RFX8: variants seen among roughly 807,000 people sequenced by gnomAD.
The protein encoded by RFX8 is DNA-binding protein RFX8.
RFX8 carries 46 observed loss-of-function variants against 54.6 expected under a neutral mutation model. The ratio of observed to expected loss-of-function variants is 0.84; its 90% confidence interval spans 0.67 to 1.08. RFX8 has a LOEUF of 1.08. RFX8 is among the 50% of genes least tolerant of loss of function. The pLI is 0.00. For synonymous variants in RFX8, 192 were observed against 209.5 expected, an observed-to-expected ratio of 0.92 and a Z score of 0.72; for missense variants, 536 against 562.3, an observed-to-expected ratio of 0.95 and a Z score of 0.47.
Position 101,410,754 on chromosome 2 carries a change from G to A in RFX8, c.719-41C>T, listed in dbSNP as rs369383485. The A allele has an allele frequency of 7.7e-6, 8 of 1,041,452 alleles. No individual in the cohort carries two copies. The South Asian group carries it at 8.4e-5, about 11-fold the overall frequency. 64.5% of individuals were successfully genotyped at this position (1,041,452 alleles called of 1,614,324 possible). ...ATAAACAAACAAAAGATTGCATGCA[G>A]CAGAGCAGAATTTCTCTTAGGTATT... On this transcript the variant is annotated intron_variant, in intron 8 of 11. Transcript: ENST00000428343.
At chr2:101,407,564 C>T (rs1322626240) in intron 9 of RFX8, among the ~76,000 whole-genome samples, 4 of 152,114 alleles carry the variant, frequency 2.6e-5, no homozygotes, top group Non-Finnish European at 4.4e-5. Flanking sequence ...GGGTGGCACA[C>T]GCCTGTAATC....
intron 7 of RFX8, among the ~76,000 whole-genome samples, chr2:101,413,366 C>T (rs1419763134): frequency 2.6e-5 from 4 of 152,250 alleles, no homozygotes; most frequent in Admixed American, 1.3e-4. Flanking sequence ...ATGACTCTAG[C>T]GAGGGATCCC....
intron 2 of RFX8, among the ~76,000 whole-genome samples, chr2:101,427,818 T>G (rs1687264570): frequency 6.6e-6 from 1 of 152,226 alleles, no homozygotes; most frequent in African/African-American, 2.4e-5. Context: ...TGTGTCCTAC[T>G]TAAGTAGAGG....
chr2:101,408,402 G>A (rs1192206582), intron 9 of RFX8, among the ~76,000 whole-genome samples: 1 of 151,878 alleles, frequency 6.6e-6, no homozygotes, highest in Non-Finnish European at 1.5e-5. Flanking sequence ...GGAGAATGGC[G>A]TGAACCCTGG....
chr2:101,447,016 T>C (rs1166697281), intron 2 of RFX8, among the ~76,000 whole-genome samples: 2 of 152,210 alleles, frequency 1.3e-5, no homozygotes, highest in Non-Finnish European at 2.9e-5. Flanking sequence ...GAATAAGAGA[T>C]GTAAGAGGAA....
chr2:101,429,383 C>T (rs1033541924), intron 2 of RFX8, among the ~76,000 whole-genome samples: 2 of 152,052 alleles, frequency 1.3e-5, no homozygotes, highest in African/African-American at 2.4e-5. Flanking sequence ...TGATAATATC[C>T]TCTAAATTGA....
Position 101,430,811 on chromosome 2 carries a change from A to G in RFX8, c.73-8339T>C, listed in dbSNP as rs747372320. The stretch of plus-strand genomic sequence containing the variant: ...TTGGGACATTACAGCAACAAAAACA[A>G]CAAATAATAAATCAAACTTAGAATA... On this transcript the variant is annotated intron_variant, in intron 2 of 11. Transcript: ENST00000428343. 9.8e-5 allele frequency among the ~76,000 whole-genome samples: 15 copies of G among 152,348 alleles called. No homozygotes were observed. The East Asian group carries it at 2.5e-3, about 25-fold the overall frequency.
intron 9 of RFX8, among the ~76,000 whole-genome samples, chr2:101,409,021 C>T (rs1353524088): frequency 6.6e-6 from 1 of 152,206 alleles, no homozygotes; most frequent in Non-Finnish European, 1.5e-5. Flanking sequence ...ACTGCTCCTT[C>T]CTTCCTGGGT....
chr2:101,406,459 G>A (rs1426465838), intron 9 of RFX8, among the ~76,000 whole-genome samples: 3 of 141,704 alleles, frequency 2.1e-5, no homozygotes, highest in Non-Finnish European at 4.6e-5. Context: ...AGCCTCCTGA[G>A]TAGCTGGGAC....
At chr2:101,459,973 G>A (rs190720883) in intron 2 of RFX8, among the ~76,000 whole-genome samples, 59 of 152,176 alleles carry the variant, frequency 3.9e-4, no homozygotes, top group African/African-American at 1.4e-3. Flanking sequence ...CCACCTGGCC[G>A]CATCCTCGCA....
chr2:101,406,543 T>C (rs1268295198), intron 9 of RFX8, among the ~76,000 whole-genome samples: 3 of 152,020 alleles, frequency 2.0e-5, no homozygotes, highest in Non-Finnish European at 4.4e-5. Flanking sequence ...GGTCTCACTA[T>C]GTTGCTCAAG....
chr2:101,422,694 A>G lies in RFX8; in HGVS notation c.73-222T>C, dbSNP rs919506570. 2.0e-5 allele frequency among the ~76,000 whole-genome samples: 3 copies of G among 152,178 alleles called. No homozygotes were observed. The East Asian group carries it at 5.8e-4, about 29-fold the overall frequency. ...ATGAACGATGGCCATCAGGGAAGGG[A>G]TAGGATTTAATATATTACCAAATGT... On this transcript the variant is annotated intron_variant, in intron 2 of 11. Coordinates refer to ENST00000428343, the MANE Select transcript of RFX8 (RefSeq NM_001145664.2).
At chr2:101,416,151 G>C (rs1211645116) in intron 6 of RFX8, among the ~76,000 whole-genome samples, 1 of 151,972 alleles carries the variant, frequency 6.6e-6, no homozygotes, top group Admixed American at 6.6e-5. Flanking sequence ...TTGATTAATT[G>C]CTGCTTTAGA....
intron 1 of RFX8, among the ~76,000 whole-genome samples, chr2:101,472,134 CTT>C (rs1690034471): frequency 6.6e-6 from 1 of 152,184 alleles, no homozygotes; most frequent in South Asian, 2.1e-4. Flanking sequence ...GAGTTTCACT[CTT>C]GTCGCCCACG....
rs1685484685 is a variant in RFX8, at chr2:101,402,419, G to A, written c.1245+17C>T. The A allele has an allele frequency of 6.5e-7, 1 of 1,529,568 alleles. No individual in the cohort carries two copies. The highest frequency in any genetic ancestry group is 2.5e-5 in the East Asian group (1 of 40,546). 94.7% of individuals were successfully genotyped at this position (1,529,568 alleles called of 1,614,324 possible). A position where few individuals can be genotyped will look rare whatever the true frequency, so the allele number is the denominator to read the frequency against. ...CCCTTGAAACAGCTGTGTGGAAGGG[G>A]GTCCTGGTGTCCCTACCTTATTGCC... On this transcript the variant is annotated intron_variant, in intron 11 of 11. Coordinates refer to ENST00000428343, the MANE Select transcript of RFX8 (RefSeq NM_001145664.2).
intron 2 of RFX8, among the ~76,000 whole-genome samples, chr2:101,444,234 G>A (rs1345259528): frequency 6.6e-6 from 1 of 152,208 alleles, no homozygotes; most frequent in Non-Finnish European, 1.5e-5. Context: ...AGCCCCTGCA[G>A]GTGGCACCAC....
intron 1 of RFX8, among the ~76,000 whole-genome samples, chr2:101,471,307 C>A (rs189303493): frequency 3.3e-5 from 5 of 152,054 alleles, no homozygotes; most frequent in Admixed American, 1.3e-4. Context: ...GCACTCCAGG[C>A]TGGGAGACAA....
At position 101,414,898 on chromosome 2, in the gene RFX8, C is replaced by T. The variant is rs78860341; in HGVS notation, c.517G>A (p.Val173Ile). ...TACGTCTTTCTTCTTAGTCTTTTGA[C>T]AAATAGAGTAACTTCTGTTAAGAAC... ...ISKLKEVTLF[V>I]KRLRRKTYLS... The change falls in exon 7 of 12, where the codon GTC becomes ATC. Residue 173 changes from valine (V) to isoleucine (I), a missense_variant. Coordinates refer to ENST00000428343, the MANE Select transcript of RFX8 (RefSeq NM_001145664.2). 723 of 1,549,904 alleles carry T rather than the reference C, an allele frequency of 4.7e-4. 2 individuals carry two copies. The African/African-American group carries it at 8.9e-3, about 19-fold the overall frequency.
intron 5 of RFX8, 64 bp from the exon 6 acceptor site, chr2:101,417,748 C>T (rs1686616217): frequency 7.3e-7 from 1 of 1,367,414 alleles, no homozygotes; most frequent in African/African-American, 1.5e-5. Flanking sequence ...GAAGCTTATG[C>T]ATGCCACAGG....
Sources: gnomAD v4.1 joint callset for allele counts (sites outside exome capture counted in the v4.1 genomes callset) on GRCh38, gnomAD v4.1.1 for gene constraint, MANE v1.5 for transcripts, NCBI Gene and HGNC (gene_info 2026-07-23, HGNC 2026-07-21) for gene names.